PTPN4: variants seen among roughly 807,000 people sequenced by gnomAD.
The protein encoded by PTPN4 is protein tyrosine phosphatase non-receptor type 4, also known as tyrosine-protein phosphatase non-receptor type 4.
In PTPN4, 49 loss-of-function variants were observed where a neutral mutation model predicts 135.5. The ratio of observed to expected loss-of-function variants is 0.36; its 90% CI spans 0.29 to 0.46. PTPN4 has a LOEUF of 0.46. PTPN4 is among the 20% of genes least tolerant of loss of function. The pLI is 1.00. For synonymous variants in PTPN4, 333 were observed against 369.9 expected (o/e 0.90, Z 1.14); for missense variants, 860 against 1,101.0 (o/e 0.78, Z 3.10).
chr2:119,772,506 T>C (rs1182101755), intron 1 of PTPN4, among the ~76,000 whole-genome samples: 1 of 152,212 alleles, frequency 6.6e-6, no homozygotes, highest in Non-Finnish European at 1.5e-5. Flanking sequence ...CCACTTACAG[T>C]GTACATTCTT....
At chr2:119,880,324 T>C (rs1417972733) in intron 5 of PTPN4, among the ~76,000 whole-genome samples, 1 of 152,228 alleles carries the variant, frequency 6.6e-6, no homozygotes, top group African/African-American at 2.4e-5. Flanking sequence ...TTGGCAAGTA[T>C]AGGCATTATT....
At chr2:119,932,615 A>G in intron 14 of PTPN4, 66 bp downstream of exon 14, 1 of 1,475,126 alleles carries the variant, frequency 6.8e-7, no homozygotes, top group Non-Finnish European at 9.2e-7. Context: ...TTGGCTGTAT[A>G]TTTTTATGCC....
At chr2:119,867,532 A>G (rs1677850428) in intron 3 of PTPN4, among the ~76,000 whole-genome samples, 1 of 152,128 alleles carries the variant, frequency 6.6e-6, no homozygotes, top group African/African-American at 2.4e-5. Flanking sequence ...TTCTTTTTTC[A>G]TTTCAAATTG....
At chr2:119,760,508 TGAAA>T in intron 1 of PTPN4, 124 bp downstream of exon 1, 1 of 385,550 alleles carries the variant, frequency 2.6e-6, no homozygotes, top group South Asian at 1.4e-4. Flanking sequence ...GAGGATGATT[TGAAA>T]GGAAGGAAAA....
At chr2:119,821,949 T>A (rs1308533433) in intron 2 of PTPN4, among the ~76,000 whole-genome samples, 6 of 152,360 alleles carry the variant, frequency 3.9e-5, no homozygotes, top group African/African-American at 1.2e-4. Context: ...GACGTATTGT[T>A]TGTAGACATT....
chr2:119,816,210 G>C (rs1349574206), intron 2 of PTPN4, among the ~76,000 whole-genome samples: 1 of 152,118 alleles, frequency 6.6e-6, no homozygotes, highest in Non-Finnish European at 1.5e-5. Flanking sequence ...GATGGTATTT[G>C]TATATCTAAA....
chr2:119,797,407 C>G (rs775163326), intron 1 of PTPN4, among the ~76,000 whole-genome samples: 1 of 152,154 alleles, frequency 6.6e-6, no homozygotes, highest in Non-Finnish European at 1.5e-5. Context: ...TAGATATACT[C>G]CCCTATGGTG....
In PTPN4 at chr2:119,977,006, A is replaced by G; in HGVS notation, c.2717A>G (p.Glu906Gly). Residue 906 changes from glutamate (E) to glycine (G), a missense_variant, in exon 27 of 27, where the codon GAA (glutamate) becomes GGA (glycine). By Grantham distance (98) the Glu-to-Gly change is moderately conservative. Around this residue, in one of 2 missense-constraint regions of PTPN4, gnomAD observed 176 missense variants for 294.1 expected, o/e 0.60. Coordinates refer to ENST00000263708, the MANE Select transcript of PTPN4 (RefSeq NM_002830.4). The part of the protein sequence containing the change: ...QTPSQYRFVC[E>G]AILKVYEEGF... ...CAGAGTCAATACAGATTTGTATGTG[A>G]AGCTATTTTGAAAGTTTATGAAGAA... 6.2e-7 allele frequency: 1 copy of G among 1,607,902 alleles called. No individual in the cohort carries two copies. Among genetic ancestry groups the G allele is most frequent in the Non-Finnish European group, 8.5e-7 (1 of 1,178,462 alleles).
At chr2:119,772,602 AT>A (rs1409343028) in intron 1 of PTPN4, among the ~76,000 whole-genome samples, 1 of 152,166 alleles carries the variant, frequency 6.6e-6, no homozygotes, top group East Asian at 1.9e-4. Context: ...CAGTGCCATG[AT>A]TTTGGCTCAC....
rs1174270483 is a variant in PTPN4, at chr2:119,979,208, T to C, written c.*2138T>C. On this transcript the variant is annotated 3_prime_UTR_variant, in exon 27 of 27. Coordinates refer to ENST00000263708, the MANE Select transcript of PTPN4 (RefSeq NM_002830.4). Reference sequence around the variant, plus strand: ...TTTCACCTGAATTTAAAAATAAAATTTGTCTGTTCTATCTGTATGGACAGA... The same window carrying C: ...TTTCACCTGAATTTAAAAATAAAATCTGTCTGTTCTATCTGTATGGACAGA... 6.6e-6 allele frequency: 1 copy of C among 152,158 alleles called. No individual in the cohort carries two copies. Among genetic ancestry groups the C allele is most frequent in the Non-Finnish European group, 1.5e-5 (1 of 67,982 alleles). 9.4% of individuals were successfully genotyped at this position (152,158 alleles called of 1,614,324 possible).
chr2:119,795,994 G>A (rs1213922708), intron 1 of PTPN4, among the ~76,000 whole-genome samples: 1 of 152,204 alleles, frequency 6.6e-6, no homozygotes, highest in Non-Finnish European at 1.5e-5. Flanking sequence ...AATCCTGACT[G>A]CACCTTCTTT....
At chr2:119,937,115 A>C (rs1010893601) in intron 15 of PTPN4, among the ~76,000 whole-genome samples, 3 of 152,214 alleles carry the variant, frequency 2.0e-5, no homozygotes, top group African/African-American at 7.2e-5. Context: ...TACAGAACAG[A>C]AACTCGGGCT....
At chr2:119,965,365 G>T in intron 24 of PTPN4, 132 bp from the exon 25 acceptor site, 1 of 874,626 alleles carries the variant, frequency 1.1e-6, no homozygotes, top group Non-Finnish European at 1.7e-6. Context: ...AGTGATCAAT[G>T]CTAAGTGTGC....
At chr2:119,937,689 A>G (rs1041426963) in intron 15 of PTPN4, among the ~76,000 whole-genome samples, 1 of 152,172 alleles carries the variant, frequency 6.6e-6, no homozygotes. Flanking sequence ...TTTTGCTACT[A>G]TGTGACAATA....
intron 1 of PTPN4, among the ~76,000 whole-genome samples, chr2:119,790,650 C>T (rs1004071324): frequency 2.0e-5 from 3 of 151,992 alleles, no homozygotes; most frequent in African/African-American, 7.2e-5. Context: ...CTCATCTCTG[C>T]CTTTTGATTT....
intron 12 of PTPN4, among the ~76,000 whole-genome samples, chr2:119,924,768 A>C (rs930640478): frequency 6.6e-6 from 1 of 152,072 alleles, no homozygotes; most frequent in Admixed American, 6.5e-5. Context: ...CAGCCTTTTG[A>C]GTAATAGTAT....
chr2:119,761,209 A>T (rs990933104), intron 1 of PTPN4, among the ~76,000 whole-genome samples: 6 of 152,226 alleles, frequency 3.9e-5, no homozygotes, highest in Non-Finnish European at 7.3e-5. Flanking sequence ...TCACATTTAA[A>T]ACATATTTAT....
intron 8 of PTPN4, 123 bp downstream of exon 8, chr2:119,882,746 A>G: frequency 1.2e-6 from 1 of 844,154 alleles, no homozygotes; most frequent in Non-Finnish European, 1.7e-6. Flanking sequence ...CTAAAATAAT[A>G]TTATCATAAA....
chr2:119,787,922 A>C (rs1167612020), intron 1 of PTPN4, among the ~76,000 whole-genome samples: 1 of 152,200 alleles, frequency 6.6e-6, no homozygotes, highest in Non-Finnish European at 1.5e-5. Context: ...GACTAGTATT[A>C]GACATTTTAG....
Sources: allele counts gnomAD v4.1 joint callset (sites outside exome capture counted in the v4.1 genomes callset), GRCh38; gene constraint gnomAD v4.1.1; regional missense constraint gnomAD v4.1.1; transcripts MANE v1.5; gene names NCBI Gene and HGNC (gene_info 2026-07-23, HGNC 2026-07-21).